Variants in DPYD observed in about 807,000 individuals in gnomAD.
DPYD encodes the protein dihydropyrimidine dehydrogenase [NADP(+)].
Under a neutral mutation model 116.2 loss-of-function variants are expected in DPYD, and 109 were observed. The observed-to-expected ratio is 0.94, with a 90% CI of 0.80 to 1.10. DPYD has a LOEUF of 1.10. Ranked by LOEUF, DPYD falls within the 50% of genes least tolerant of loss-of-function variation. DPYD has a pLI of 0.00. For synonymous variants in DPYD, 440 were observed against 432.0 expected (o/e 1.02, Z -0.23); for missense variants, 1,302 against 1,254.5 (o/e 1.04, Z -0.57).
At chr1:97,126,855 A>T (rs1652882949) in intron 20 of DPYD, among the ~76,000 whole-genome samples, 1 of 152,200 alleles carries the variant, frequency 6.6e-6, no homozygotes, top group South Asian at 2.1e-4. Flanking sequence ...TGGGAACAGC[A>T]TCTTGAAATT....
intron 18 of DPYD, among the ~76,000 whole-genome samples, chr1:97,241,380 C>T (rs1662329963): frequency 6.6e-6 from 1 of 152,044 alleles, no homozygotes; most frequent in East Asian, 1.9e-4. Flanking sequence ...TACTTTAACC[C>T]TTGTAACTCT....
chr1:97,713,907 T>C (rs1571234392), intron 5 of DPYD, among the ~76,000 whole-genome samples: 2 of 152,108 alleles, frequency 1.3e-5, no homozygotes, highest in East Asian at 1.9e-4. Context: ...GCAAGTGTGA[T>C]ATATCATTAA....
intron 8 of DPYD, among the ~76,000 whole-genome samples, chr1:97,628,866 A>G (rs1272453882): frequency 6.6e-6 from 1 of 152,046 alleles, no homozygotes; most frequent in Non-Finnish European, 1.5e-5. Flanking sequence ...CCTATGTACT[A>G]TCTGTGCAAA....
chr1:97,891,713 A>C (rs1461344519), intron 1 of DPYD, among the ~76,000 whole-genome samples: 1 of 151,888 alleles, frequency 6.6e-6, no homozygotes, highest in Non-Finnish European at 1.5e-5. Flanking sequence ...TTAGGCCTAA[A>C]ACATTGGAGC....
At chr1:97,787,968 T>C (rs1429504144) in intron 3 of DPYD, among the ~76,000 whole-genome samples, 1 of 152,186 alleles carries the variant, frequency 6.6e-6, no homozygotes, top group Non-Finnish European at 1.5e-5. Flanking sequence ...ACAGGTTAAA[T>C]TGCCATTGCA....
At chr1:97,405,525 T>C (rs560973471) in intron 14 of DPYD, among the ~76,000 whole-genome samples, 77 of 152,258 alleles carry the variant, frequency 5.1e-4, no homozygotes, top group Non-Finnish European at 6.9e-4. Context: ...TTCTTTTGTT[T>C]GTTTTTTTGA....
intron 20 of DPYD, among the ~76,000 whole-genome samples, chr1:97,151,696 A>C (rs144030646): frequency 6.6e-6 from 1 of 152,206 alleles, no homozygotes; most frequent in East Asian, 1.9e-4. Flanking sequence ...AAATAAAAAA[A>C]TAAAAAAATT....
At chr1:97,447,394 A>T (rs762962656) in intron 14 of DPYD, among the ~76,000 whole-genome samples, 9 of 152,162 alleles carry the variant, frequency 5.9e-5, no homozygotes, top group Non-Finnish European at 1.5e-5. Context: ...ACAGCGGGGG[A>T]CTGTCTACTC....
chr1:97,394,737 G>A (rs527900087), intron 14 of DPYD, among the ~76,000 whole-genome samples: 1 of 152,044 alleles, frequency 6.6e-6, no homozygotes, highest in Non-Finnish European at 1.5e-5. Context: ...GCAATAAAAT[G>A]AGGTATGTCT....
chr1:97,147,291 G>A (rs1654698041), intron 20 of DPYD, among the ~76,000 whole-genome samples: 1 of 152,216 alleles, frequency 6.6e-6, no homozygotes, highest in Non-Finnish European at 1.5e-5. Context: ...AGAGATTGCA[G>A]TGAGCTGAGA....
chr1:97,389,432 T>TAAC (rs1553168269), intron 14 of DPYD, among the ~76,000 whole-genome samples: 2,272 of 151,826 alleles, frequency 0.015, 27 homozygotes, highest in Non-Finnish European at 0.022. Context: ...AAAAATATGA[T>TAAC]TAGTAAAAAT....
chr1:97,788,545 C>G (rs1345268191), intron 3 of DPYD, among the ~76,000 whole-genome samples: 1 of 152,160 alleles, frequency 6.6e-6, no homozygotes, highest in Non-Finnish European at 1.5e-5. Context: ...CCACTGAGTC[C>G]AGCCAATTGA....
intron 19 of DPYD, among the ~76,000 whole-genome samples, chr1:97,200,911 G>T (rs1379922490): frequency 2.0e-5 from 3 of 152,104 alleles, no homozygotes; most frequent in Non-Finnish European, 4.4e-5. Flanking sequence ...CTAAGAGAAA[G>T]ACAGAGAAGG....
chr1:97,497,102 T>C (rs191846478), intron 13 of DPYD, among the ~76,000 whole-genome samples: 1 of 151,850 alleles, frequency 6.6e-6, no homozygotes, highest in Non-Finnish European at 1.5e-5. Context: ...AATGATAAAA[T>C]TACCAAGCAG....
At chr1:97,893,972 G>A (rs1460607165) in intron 1 of DPYD, among the ~76,000 whole-genome samples, 2 of 151,828 alleles carry the variant, frequency 1.3e-5, no homozygotes, top group Non-Finnish European at 2.9e-5. Context: ...ATACAGAACA[G>A]AGCATGCCAA....
At chr1:97,288,172 C>A (rs1665864197) in intron 18 of DPYD, among the ~76,000 whole-genome samples, 1 of 150,698 alleles carries the variant, frequency 6.6e-6, no homozygotes, top group African/African-American at 2.4e-5. Context: ...ACAGGAGCAC[C>A]CAGATTCATA....
chr1:97,563,421 A>C (rs948328606), intron 11 of DPYD, among the ~76,000 whole-genome samples: 1 of 152,178 alleles, frequency 6.6e-6, no homozygotes, highest in African/African-American at 2.4e-5. Context: ...ACCATTGGCT[A>C]TGTTTTATGA....
intron 7 of DPYD, among the ~76,000 whole-genome samples, chr1:97,688,279 G>T (rs1660840019): frequency 6.6e-6 from 1 of 151,964 alleles, no homozygotes; most frequent in East Asian, 1.9e-4. Flanking sequence ...AACTGGATAG[G>T]AAAACACAAA....
intron 16 of DPYD, among the ~76,000 whole-genome samples, chr1:97,317,727 C>T (rs979962584): frequency 1.1e-4 from 17 of 151,864 alleles, no homozygotes; most frequent in Admixed American, 3.9e-4. Context: ...ACCATTCTGC[C>T]CTGGAGCACC....
Sources: allele counts gnomAD v4.1 joint callset (sites outside exome capture counted in the v4.1 genomes callset), GRCh38; gene constraint gnomAD v4.1.1; transcripts MANE v1.5; gene names NCBI Gene and HGNC (gene_info 2026-07-23, HGNC 2026-07-21).